Variants in NT5C2 observed in about 807,000 individuals in gnomAD.
NT5C2 encodes cytosolic purine 5'-nucleotidase.
A neutral mutation model predicts 76.1 loss-of-function variants in NT5C2; 58 were observed. The ratio of observed to expected loss-of-function variants is 0.76; its 90% CI spans 0.62 to 0.95. The LOEUF (loss-of-function observed/expected upper bound fraction) is 0.95. Ranked by LOEUF, NT5C2 falls within the 40% of genes least tolerant of loss-of-function variation. The probability of loss-of-function intolerance (pLI) is 0.00; values close to 1 mark genes in which losing one functional copy is unlikely to be tolerated. For missense variants in NT5C2, 478 were observed against 690.3 expected (o/e 0.69, Z 3.45); for synonymous variants, 229 against 237.4 (o/e 0.96, Z 0.32).
intron 12 of NT5C2, 98 bp downstream of exon 12, chr10:103,095,840 TG>T: frequency 9.7e-7 from 1 of 1,029,122 alleles, no homozygotes; most frequent in Non-Finnish European, 1.5e-6. Flanking sequence ...AGGACTTTTC[TG>T]GGTGGGTTCT....
chr10:103,105,860 T>C, intron 5 of NT5C2, 59 bp from the exon 6 acceptor site: 1 of 1,182,522 alleles, frequency 8.5e-7, no homozygotes, highest in East Asian at 2.3e-5. Context: ...TAATTTTATG[T>C]AGTAGTATTT....
chr10:103,114,245 T>G (rs1345094605), intron 4 of NT5C2, among the ~76,000 whole-genome samples: 1 of 151,942 alleles, frequency 6.6e-6, no homozygotes, highest in Non-Finnish European at 1.5e-5. Flanking sequence ...AAACCCTGTC[T>G]CTACTAAAAA....
At chr10:103,178,101 T>C (rs1408258642) in intron 2 of NT5C2, among the ~76,000 whole-genome samples, 3 of 152,220 alleles carry the variant, frequency 2.0e-5, no homozygotes, top group Admixed American at 2.0e-4. Context: ...GTATCACATA[T>C]CACATTTCAT....
intron 1 of NT5C2, among the ~76,000 whole-genome samples, chr10:103,184,987 C>G (rs3758543): frequency 0.41 from 62,039 of 151,950 alleles, 12,838 homozygotes; most frequent in East Asian, 0.53. Flanking sequence ...TGTTCCTAAA[C>G]TTTTGAAAAT....
At chr10:103,099,809 C>T (rs1289478697) in intron 9 of NT5C2, 117 bp downstream of exon 9, 8 of 618,414 alleles carry the variant, frequency 1.3e-5, no homozygotes, top group East Asian at 8.6e-5. Flanking sequence ...TAGGCGGGGG[C>T]AAATCTGTTT....
chr10:103,106,283 C>A (rs184954545), intron 5 of NT5C2, among the ~76,000 whole-genome samples: 1 of 152,280 alleles, frequency 6.6e-6, no homozygotes, highest in East Asian at 1.9e-4. Context: ...TACCTATTTG[C>A]CAACAGCCCC....
intron 1 of NT5C2, among the ~76,000 whole-genome samples, chr10:103,188,514 G>C (rs1369525264): frequency 6.6e-6 from 1 of 152,102 alleles, no homozygotes; most frequent in Non-Finnish European, 1.5e-5. Context: ...TTGCATAAAA[G>C]ACAAAAAATG....
At chr10:103,159,640 C>A (rs1158951103) in intron 3 of NT5C2, among the ~76,000 whole-genome samples, 1 of 149,222 alleles carries the variant, frequency 6.7e-6, no homozygotes, top group Non-Finnish European at 1.5e-5. Flanking sequence ...CAGAGCAAGA[C>A]CCTGTCTCTT....
chr10:103,106,737 C>T (rs1266292401), intron 4 of NT5C2, 31 bp from the exon 5 acceptor site: 1 of 1,230,716 alleles, frequency 8.1e-7, no homozygotes, highest in Non-Finnish European at 1.2e-6. Context: ...CATTAGTTAG[C>T]AGAAAGAACA....
chr10:103,153,054 T>A (rs1256613086), intron 3 of NT5C2, among the ~76,000 whole-genome samples: 2 of 152,204 alleles, frequency 1.3e-5, no homozygotes, highest in African/African-American at 4.8e-5. Flanking sequence ...AAAGTACTTA[T>A]ATCTTACAAA....
intron 3 of NT5C2, among the ~76,000 whole-genome samples, chr10:103,166,215 C>T (rs2086341553): frequency 6.6e-6 from 1 of 152,098 alleles, no homozygotes; most frequent in Non-Finnish European, 1.5e-5. Context: ...ATATTTACCA[C>T]TAGAGTTAGA....
At chr10:103,148,354 G>A (rs1308732562) in intron 3 of NT5C2, among the ~76,000 whole-genome samples, 1 of 152,212 alleles carries the variant, frequency 6.6e-6, no homozygotes, top group Non-Finnish European at 1.5e-5. Context: ...TGTAATCCCA[G>A]CACTTTGGGA....
intron 3 of NT5C2, chr10:103,146,481 A>G (rs1453888017): frequency 1.0e-6 from 1 of 977,376 alleles, no homozygotes; most frequent in Admixed American, 6.2e-5. Context: ...TCAAGAAAAG[A>G]AAAAGTTACA....
chr10:103,109,342 A>G (rs1460913159), intron 4 of NT5C2, among the ~76,000 whole-genome samples: 1 of 152,204 alleles, frequency 6.6e-6, no homozygotes, highest in African/African-American at 2.4e-5. Context: ...TCATAAAACC[A>G]TAAGGCATGG....
chr10:103,173,644 T>C (rs1249693209), intron 3 of NT5C2, among the ~76,000 whole-genome samples: 3 of 150,894 alleles, frequency 2.0e-5, no homozygotes, highest in Non-Finnish European at 4.4e-5. Flanking sequence ...ATTTCATTCT[T>C]GGCCGGGCGC....
chr10:103,090,397 A>G (rs563889840), intron 18 of NT5C2, among the ~76,000 whole-genome samples: 1 of 152,276 alleles, frequency 6.6e-6, no homozygotes, highest in East Asian at 1.9e-4. Context: ...ACAGCTTTTA[A>G]TAGAGTAGAC....
chr10:103,131,050 A>C (rs1004295239), intron 4 of NT5C2, among the ~76,000 whole-genome samples: 13 of 152,208 alleles, frequency 8.5e-5, no homozygotes, highest in Admixed American at 5.9e-4. Flanking sequence ...CCTCAGAACA[A>C]ATTTAGGCAA....
At chr10:103,133,404 G>C (rs1016266291) in intron 4 of NT5C2, among the ~76,000 whole-genome samples, 32 of 152,152 alleles carry the variant, frequency 2.1e-4, no homozygotes, top group African/African-American at 7.5e-4. Context: ...TGGGATTACA[G>C]GCATGCACCA....
intron 3 of NT5C2, among the ~76,000 whole-genome samples, chr10:103,163,517 G>A (rs1451881360): frequency 6.6e-6 from 1 of 151,650 alleles, no homozygotes; most frequent in Non-Finnish European, 1.5e-5. Context: ...CTTCCTAATG[G>A]GTAAAGAAGT....
Sources: gnomAD v4.1 joint callset for allele counts (sites outside exome capture counted in the v4.1 genomes callset) on GRCh38, gnomAD v4.1.1 for gene constraint, MANE v1.5 for transcripts, NCBI Gene and HGNC (gene_info 2026-07-23, HGNC 2026-07-21) for gene names.